KDM4C: variants seen among roughly 807,000 people sequenced by gnomAD.
The protein encoded by KDM4C is lysine demethylase 4C, also known as lysine-specific demethylase 4C.
In KDM4C, 81 loss-of-function variants were observed where a neutral mutation model predicts 129.3. The observed-to-expected ratio is 0.63, with a 90% confidence interval of 0.52 to 0.75. KDM4C has a LOEUF of 0.75. KDM4C is among the 30% of genes least tolerant of loss of function. The pLI, the probability that KDM4C is intolerant of heterozygous loss-of-function variation, is 0.00. For synonymous variants in KDM4C, 573 were observed against 456.1 expected, an observed-to-expected ratio of 1.26 and a Z score of -3.26; for missense variants, 1,457 against 1,304.0, an observed-to-expected ratio of 1.12 and a Z score of -1.81.
intron 4 of KDM4C, among the ~76,000 whole-genome samples, chr9:6,815,885 CTCTGTT>C (rs1831996680): frequency 6.6e-6 from 1 of 152,162 alleles, no homozygotes; most frequent in African/African-American, 2.4e-5. Context: ...GTCTCTTTAT[CTCTGTT>C]TCTATCTGTC....
upstream of KDM4C, among the ~76,000 whole-genome samples, chr9:6,752,786 G>A (rs1039816692): frequency 3.9e-5 from 6 of 152,118 alleles, no homozygotes; most frequent in Non-Finnish European, 8.8e-5. Context: ...ATTTATATAT[G>A]CCAAGTGCTC....
At chr9:7,024,698 G>A (rs1305685184) in intron 15 of KDM4C, among the ~76,000 whole-genome samples, 2 of 152,190 alleles carry the variant, frequency 1.3e-5, no homozygotes, top group African/African-American at 4.8e-5. Context: ...ATTCCATGGT[G>A]TATATGTGCC....
intron 1 of KDM4C, chr9:6,748,925 G>T: frequency 1.1e-6 from 1 of 926,836 alleles, no homozygotes; most frequent in Non-Finnish European, 1.8e-6. Context: ...TGAAGATGAG[G>T]TTGATGGGCT....
At chr9:7,070,325 A>G (rs1480608378) in intron 17 of KDM4C, among the ~76,000 whole-genome samples, 2 of 152,242 alleles carry the variant, frequency 1.3e-5, no homozygotes, top group African/African-American at 2.4e-5. Flanking sequence ...GGAAGAAATT[A>G]TAGCAGTTCT....
chr9:6,751,582 C>G (rs1818065230), intron 1 of KDM4C, among the ~76,000 whole-genome samples: 4 of 152,260 alleles, frequency 2.6e-5, no homozygotes, highest in African/African-American at 9.6e-5. Context: ...CAATTTATCA[C>G]AACAGGGAAT....
intron 8 of KDM4C, among the ~76,000 whole-genome samples, chr9:6,915,523 T>C (rs1820148358): frequency 6.6e-6 from 1 of 152,232 alleles, no homozygotes; most frequent in South Asian, 2.1e-4. Context: ...AAGAAGTCAT[T>C]TTCCTAATTG....
chr9:6,751,602 A>G (rs1429510569), intron 1 of KDM4C, among the ~76,000 whole-genome samples: 1 of 152,200 alleles, frequency 6.6e-6, no homozygotes, highest in African/African-American at 2.4e-5. Context: ...TGGATATGAC[A>G]AGGACCCAAA....
intron 1 of KDM4C, among the ~76,000 whole-genome samples, chr9:6,767,617 T>A (rs551350976): frequency 6.6e-4 from 101 of 152,214 alleles, no homozygotes; most frequent in Middle Eastern, 6.8e-3. Flanking sequence ...GTGTTTTTAG[T>A]ACAGATGGGG....
chr9:6,982,892 C>G (rs1275514884), intron 9 of KDM4C: 2 of 152,224 alleles, frequency 1.3e-5, no homozygotes, highest in Non-Finnish European at 2.9e-5. Flanking sequence ...GAAAGCCTGA[C>G]TATGGGCTTG....
intron 21 of KDM4C, chr9:7,170,681 A>C (rs1844866433): frequency 1.0e-6 from 1 of 972,838 alleles, no homozygotes; most frequent in South Asian, 4.8e-5. Flanking sequence ...ATTTGAATGG[A>C]TGGGGTTTTT....
chr9:7,128,581 G>A (rs1011794500), intron 19 of KDM4C, among the ~76,000 whole-genome samples: 1 of 152,152 alleles, frequency 6.6e-6, no homozygotes, highest in African/African-American at 2.4e-5. Context: ...CCTGTTACAA[G>A]ATGTGAACAA....
At chr9:6,801,377 G>A (rs1451874006) in intron 2 of KDM4C, among the ~76,000 whole-genome samples, 3 of 150,290 alleles carry the variant, frequency 2.0e-5, no homozygotes, top group Non-Finnish European at 2.9e-5. Context: ...GGGACTACAG[G>A]TGCCTGCCAC....
intron 18 of KDM4C, among the ~76,000 whole-genome samples, chr9:7,104,646 C>A (rs1837475864): frequency 6.6e-6 from 1 of 152,142 alleles, no homozygotes; most frequent in Non-Finnish European, 1.5e-5. Context: ...TCTTTGTTAG[C>A]TTTCCAGTTC....
intron 1 of KDM4C, among the ~76,000 whole-genome samples, chr9:6,745,324 G>A (rs1465010316): frequency 6.6e-6 from 1 of 151,948 alleles, no homozygotes; most frequent in Non-Finnish European, 1.5e-5. Flanking sequence ...TTAGGCCAGG[G>A]ATGGTGGCTC....
At chr9:7,159,960 A>T (rs1843607529) in intron 19 of KDM4C, among the ~76,000 whole-genome samples, 2 of 152,204 alleles carry the variant, frequency 1.3e-5, no homozygotes, top group African/African-American at 2.4e-5. Flanking sequence ...CATCACTTTC[A>T]GGTACACCAA....
At chr9:7,023,281 C>G (rs1825207107) in intron 15 of KDM4C, among the ~76,000 whole-genome samples, 1 of 152,086 alleles carries the variant, frequency 6.6e-6, no homozygotes, top group African/African-American at 2.4e-5. Context: ...CTTTTCTTTA[C>G]TGGGAGACCT....
At chr9:6,933,388 G>C (rs144113323) in intron 8 of KDM4C, among the ~76,000 whole-genome samples, 302 of 152,258 alleles carry the variant, frequency 2.0e-3, no homozygotes, top group African/African-American at 6.9e-3. Context: ...TGCACTGCTT[G>C]GTGAGGGGGC....
intron 17 of KDM4C, among the ~76,000 whole-genome samples, chr9:7,085,715 C>T (rs952554719): frequency 6.6e-6 from 1 of 152,116 alleles, no homozygotes; most frequent in Admixed American, 6.5e-5. Flanking sequence ...TCTCAGACTG[C>T]GTGGTGGGAT....
rs544978872 is a variant in KDM4C, at chr9:6,730,463, A to C, written c.49+9466A>C. On this transcript the variant is annotated intron_variant, in intron 1 of 17. Coordinates refer to the KDM4C transcript ENST00000536108. Reference sequence around the variant, plus strand: ...ACCCCATCTCTACTAAAAATACAAAAAATTAGCTGGGCGTGGTGGCGGGCA... The same window carrying C: ...ACCCCATCTCTACTAAAAATACAAACAATTAGCTGGGCGTGGTGGCGGGCA... Among the ~76,000 whole-genome samples the C allele has an allele frequency of 7.5e-4, 113 of 151,602 alleles. 1 individual carries two copies. Among genetic ancestry groups the C allele is most frequent in the Non-Finnish European group, 1.1e-3 (75 of 67,876 alleles).
Sources: allele counts gnomAD v4.1 joint callset (sites outside exome capture counted in the v4.1 genomes callset), GRCh38; gene constraint gnomAD v4.1.1; transcripts MANE v1.5; gene names NCBI Gene and HGNC (gene_info 2026-07-23, HGNC 2026-07-21).